The following CLNK variants were observed in gnomAD, a reference collection of about 807,000 sequenced individuals.
CLNK encodes the protein cytokine dependent hematopoietic cell linker, also known as cytokine-dependent hematopoietic cell linker.
In CLNK, 74 loss-of-function variants were observed where a neutral mutation model predicts 68.6. The observed-to-expected ratio is 1.08, with a 90% CI of 0.89 to 1.31. The LOEUF is 1.31. Among genes scored for constraint, CLNK ranks in the 50% most tolerant of loss-of-function variants. CLNK has a pLI of 0.00. For missense variants in CLNK, 553 were observed against 515.3 expected, an observed-to-expected ratio of 1.07 and a Z score of -0.71; for synonymous variants, 198 against 172.2, an observed-to-expected ratio of 1.15 and a Z score of -1.17.
At chr4:10,624,843 G>A (rs371056312) in intron 2 of CLNK, among the ~76,000 whole-genome samples, 83 of 152,160 alleles carry the variant, frequency 5.5e-4, no homozygotes, top group African/African-American at 1.8e-3. Context: ...CAAACTTTTT[G>A]TGTTATGGCT....
At chr4:10,704,950 T>C in the CLNK span, among the ~76,000 whole-genome samples, 1 of 152,154 alleles carries the variant, frequency 6.6e-6, no homozygotes, top group African/African-American at 2.4e-5. Flanking sequence ...GGTACCAATG[T>C]GGTCAATTTG....
chr4:10,700,229 A>T, the CLNK span, among the ~76,000 whole-genome samples: 1 of 152,220 alleles, frequency 6.6e-6, no homozygotes, highest in African/African-American at 2.4e-5. Flanking sequence ...TAAATGAAAT[A>T]GGCTACATAG....
At chr4:10,725,073 G>A in the CLNK span, among the ~76,000 whole-genome samples, 3 of 152,154 alleles carry the variant, frequency 2.0e-5, no homozygotes, top group African/African-American at 7.2e-5. Flanking sequence ...CTCACAGTCT[G>A]TTTTCCTTGC....
intron 2 of CLNK, among the ~76,000 whole-genome samples, chr4:10,616,042 A>G (rs932981983): frequency 4.6e-5 from 7 of 152,344 alleles, no homozygotes; most frequent in African/African-American, 1.7e-4. Flanking sequence ...AAATTATATA[A>G]AATTATAATT....
chr4:10,579,824 C>T (rs1434928911), intron 4 of CLNK, among the ~76,000 whole-genome samples: 1 of 152,148 alleles, frequency 6.6e-6, no homozygotes, highest in African/African-American at 2.4e-5. Flanking sequence ...ACCATGGTGC[C>T]TTGCATTTGC....
upstream of CLNK, among the ~76,000 whole-genome samples, chr4:10,686,031 G>A (rs1476613555): frequency 1.3e-5 from 2 of 152,108 alleles, no homozygotes; most frequent in African/African-American, 2.4e-5. Context: ...CAAAACAGAA[G>A]GTCAAATTGT....
chr4:10,524,087 A>AGAG (rs59952822), intron 14 of CLNK: 112,066 of 153,250 alleles, frequency 0.73, 42,221 homozygotes, highest in Admixed American at 0.81. Flanking sequence ...AGAAAAGAGA[A>AGAG]GAGGAGGAGG....
the CLNK span, among the ~76,000 whole-genome samples, chr4:10,703,365 G>T: frequency 2.6e-5 from 4 of 152,192 alleles, no homozygotes; most frequent in African/African-American, 4.8e-5. Context: ...TCAACTGGTA[G>T]AAGAAACAGA....
intron 11 of CLNK, among the ~76,000 whole-genome samples, chr4:10,534,394 C>T (rs1718660865): frequency 6.6e-6 from 1 of 152,064 alleles, no homozygotes; most frequent in Non-Finnish European, 1.5e-5. Context: ...CATAAGAGGT[C>T]CTCATTATAA....
chr4:10,529,865 G>A (rs1718467868), intron 12 of CLNK, among the ~76,000 whole-genome samples: 1 of 152,202 alleles, frequency 6.6e-6, no homozygotes, highest in Non-Finnish European at 1.5e-5. Context: ...AAAATCAAAT[G>A]TAGTTAGAAA....
At chr4:10,672,779 G>A (rs1186342301) in intron 1 of CLNK, among the ~76,000 whole-genome samples, 1 of 152,200 alleles carries the variant, frequency 6.6e-6, no homozygotes, top group Non-Finnish European at 1.5e-5. Flanking sequence ...GAGGCAGAAG[G>A]GAGTGGACTT....
chr4:10,636,501 C>T (rs926801956), intron 2 of CLNK, among the ~76,000 whole-genome samples: 1 of 152,144 alleles, frequency 6.6e-6, no homozygotes, highest in Non-Finnish European at 1.5e-5. Context: ...TAAGAAAATA[C>T]ATTTCTGTTG....
intron 8 of CLNK, among the ~76,000 whole-genome samples, chr4:10,548,911 T>G (rs1719340822): frequency 6.6e-6 from 1 of 152,242 alleles, no homozygotes; most frequent in African/African-American, 2.4e-5. Context: ...ACGACAGCCC[T>G]GTCATGTAAT....
intron 17 of CLNK, among the ~76,000 whole-genome samples, chr4:10,501,763 C>T (rs115415196): frequency 0.013 from 2,011 of 152,224 alleles, 25 homozygotes; most frequent in Non-Finnish European, 0.02. Context: ...CCCGTCTCTA[C>T]TAAAATTACA....
At chr4:10,645,447 G>C (rs748344181) in intron 2 of CLNK, among the ~76,000 whole-genome samples, 35 of 152,082 alleles carry the variant, frequency 2.3e-4, no homozygotes, top group Non-Finnish European at 1.5e-5. Flanking sequence ...CTCTCCTTTC[G>C]GAGGGTAAGA....
In CLNK at chr4:10,592,068, C is replaced by G. The variant is rs76506130; in HGVS notation, c.83+5910G>C. On this transcript the variant is annotated intron_variant, in intron 3 of 18. Coordinates refer to ENST00000226951, the MANE Select transcript of CLNK (RefSeq NM_052964.4). The stretch of plus-strand genomic sequence containing the variant: ...CCTGCCCTGCCGGGGCCTGTCTGGT[C>G]TCCTCCCTCCTCTGAGAACCTGTGG... Among the ~76,000 whole-genome samples, 1,199 of 152,322 alleles carry G rather than the reference C, an allele frequency of 7.9e-3. 21 individuals are homozygous for G. The highest frequency in any genetic ancestry group is 0.065 in the East Asian group (336 of 5,178).
intron 11 of CLNK, among the ~76,000 whole-genome samples, chr4:10,537,729 T>TTCTTTCTTTCTTTCTTTCTTTCTC (rs1718852137): frequency 7.6e-6 from 1 of 131,980 alleles, no homozygotes; most frequent in African/African-American, 2.9e-5. Flanking sequence ...CTTTCTTTCT[T>TTCTTTCTTTCTTTCTTTCTTTCTC]TCTTTCTTCC....
intron 2 of CLNK, among the ~76,000 whole-genome samples, chr4:10,644,256 G>T (rs779668268): frequency 2.8e-4 from 42 of 152,166 alleles, no homozygotes; most frequent in Non-Finnish European, 5.6e-4. Context: ...ACAAAGCTTT[G>T]CTTGTCTTGG....
At chr4:10,513,988 C>A (rs563083700) in intron 15 of CLNK, among the ~76,000 whole-genome samples, 1 of 133,548 alleles carries the variant, frequency 7.5e-6, no homozygotes, top group African/African-American at 2.8e-5. Context: ...AGGTATATCT[C>A]CCAATGCTAT....
Sources: allele counts gnomAD v4.1 joint callset (sites outside exome capture counted in the v4.1 genomes callset), GRCh38; gene constraint gnomAD v4.1.1; transcripts MANE v1.5; gene names NCBI Gene and HGNC (gene_info 2026-07-23, HGNC 2026-07-21).